ADGRB3: variants seen among roughly 807,000 people sequenced by gnomAD.
ADGRB3 encodes brain-specific angiogenesis inhibitor 3.
In ADGRB3, 37 loss-of-function variants were observed where a neutral mutation model predicts 193.4. The observed-to-expected ratio is 0.19, with a 90% CI of 0.15 to 0.25. ADGRB3 has a LOEUF of 0.25. Ranked by LOEUF, ADGRB3 falls within the 10% of genes least tolerant of loss-of-function variation. ADGRB3 has a pLI of 1.00. For synonymous variants in ADGRB3, 690 were observed against 644.2 expected (o/e 1.07, Z -1.08); for missense variants, 1,637 against 1,852.9 (o/e 0.88, Z 2.14).
At chr6:69,049,496 T>C (rs1483397994) in intron 15 of ADGRB3, 150 bp downstream of exon 15, 9 of 574,870 alleles carry the variant, frequency 1.6e-5, no homozygotes. Flanking sequence ...ATGAACAGGC[T>C]ATTAGCAATT....
chr6:68,998,839 G>A (rs1051698669), intron 11 of ADGRB3, among the ~76,000 whole-genome samples: 6 of 152,168 alleles, frequency 3.9e-5, no homozygotes, highest in Non-Finnish European at 5.9e-5. Flanking sequence ...GCTTTGTCTG[G>A]TCAGCTGTCG....
intron 3 of ADGRB3, among the ~76,000 whole-genome samples, chr6:68,876,358 T>A (rs1765593468): frequency 6.6e-6 from 1 of 152,166 alleles, no homozygotes; most frequent in Admixed American, 6.6e-5. Context: ...CTGTGATTAA[T>A]AGACTCATTT....
intron 16 of ADGRB3, among the ~76,000 whole-genome samples, chr6:69,073,653 T>C (rs1273777584): frequency 1.3e-5 from 2 of 152,160 alleles, no homozygotes; most frequent in Admixed American, 1.3e-4. Flanking sequence ...CTCACCCAAC[T>C]GCACATTCCT....
chr6:68,813,646 G>A (rs921128987), intron 3 of ADGRB3, among the ~76,000 whole-genome samples: 2 of 151,702 alleles, frequency 1.3e-5, no homozygotes, highest in African/African-American at 4.8e-5. Flanking sequence ...ATGTTGGTGT[G>A]CCGCACCCAT....
chr6:69,078,338 C>G (rs1305163993), intron 17 of ADGRB3, among the ~76,000 whole-genome samples: 1 of 151,890 alleles, frequency 6.6e-6, no homozygotes, highest in Non-Finnish European at 1.5e-5. Context: ...CCATCTTGGG[C>G]CTCCACATCC....
intron 26 of ADGRB3, among the ~76,000 whole-genome samples, chr6:69,350,901 A>T (rs1190380389): frequency 6.6e-6 from 1 of 152,096 alleles, no homozygotes; most frequent in African/African-American, 2.4e-5. Flanking sequence ...AGTTTACCAG[A>T]TACAAAATTC....
chr6:69,032,248 G>A (rs1770735043), intron 13 of ADGRB3, among the ~76,000 whole-genome samples: 1 of 152,166 alleles, frequency 6.6e-6, no homozygotes, highest in African/African-American at 2.4e-5. Context: ...AAATCTGGTA[G>A]AGTCACACCA....
At chr6:69,138,257 C>A (rs1050119800) in intron 17 of ADGRB3, among the ~76,000 whole-genome samples, 2 of 152,170 alleles carry the variant, frequency 1.3e-5, no homozygotes, top group Non-Finnish European at 2.9e-5. Context: ...GTTCCAGCAT[C>A]AGAAAAATGT....
At chr6:69,214,084 G>A (rs1003148052) in intron 17 of ADGRB3, among the ~76,000 whole-genome samples, 11 of 152,162 alleles carry the variant, frequency 7.2e-5, no homozygotes, top group African/African-American at 2.7e-4. Flanking sequence ...ATTAAGGAAA[G>A]TTTTACAGAG....
intron 3 of ADGRB3, among the ~76,000 whole-genome samples, chr6:68,834,399 G>T (rs1264704112): frequency 6.6e-6 from 1 of 152,030 alleles, no homozygotes; most frequent in East Asian, 1.9e-4. Flanking sequence ...CAGAAAAAAT[G>T]GGATATTATT....
chr6:69,293,876 C>A (rs1430630873), intron 20 of ADGRB3, among the ~76,000 whole-genome samples: 5 of 152,026 alleles, frequency 3.3e-5, no homozygotes, highest in African/African-American at 1.2e-4. Flanking sequence ...CCAGGAGTTT[C>A]TTCTGTCGGA....
chr6:68,912,728 A>G (rs1582309029), intron 3 of ADGRB3, among the ~76,000 whole-genome samples: 1 of 152,090 alleles, frequency 6.6e-6, no homozygotes, highest in African/African-American at 2.4e-5. Flanking sequence ...ATAGTATTCC[A>G]TGTTGTATAT....
At chr6:69,242,218 A>C (rs537710344) in intron 20 of ADGRB3, among the ~76,000 whole-genome samples, 1 of 152,076 alleles carries the variant, frequency 6.6e-6, no homozygotes, top group Middle Eastern at 3.4e-3. Context: ...GATGTGCATA[A>C]ACTACAAATA....
chr6:68,920,052 A>T (rs1766992511), intron 3 of ADGRB3, among the ~76,000 whole-genome samples: 1 of 152,198 alleles, frequency 6.6e-6, no homozygotes. Context: ...TCCAAAACAA[A>T]CGTGGAAGAA....
At chr6:68,833,090 A>T (rs1454091230) in intron 3 of ADGRB3, among the ~76,000 whole-genome samples, 1 of 152,140 alleles carries the variant, frequency 6.6e-6, no homozygotes, top group African/African-American at 2.4e-5. Context: ...AAGGTTCATG[A>T]TTTTAAACCA....
rs66493941 is a variant in ADGRB3 at position 69,141,133 on chromosome 6, G to GA, written c.2480+65095_2480+65096insA. On this transcript the variant is annotated intron_variant, in intron 17 of 31. Coordinates refer to ENST00000370598, the MANE Select transcript of ADGRB3 (RefSeq NM_001704.3). ...GATATTTCTTTCTTTTTTTTTGGGG[G>GA]GGGCGGTGGGGACGGAGTCTTGCTC... 3.6e-3 allele frequency among the ~76,000 whole-genome samples: 462 copies of GA among 129,242 alleles called. 4 individuals carry two copies. The highest frequency in any genetic ancestry group is 0.023 in the South Asian group (92 of 4,058). 84.8% of individuals were successfully genotyped at this position (129,242 alleles called of 152,430 possible).
chr6:69,096,070 A>AT (rs1269102204), intron 17 of ADGRB3, among the ~76,000 whole-genome samples: 2 of 152,154 alleles, frequency 1.3e-5, no homozygotes, highest in South Asian at 2.1e-4. Flanking sequence ...CTTACATTTC[A>AT]TTTTTTTAGT....
At chr6:68,844,642 G>T (rs978962546) in intron 3 of ADGRB3, among the ~76,000 whole-genome samples, 1 of 152,104 alleles carries the variant, frequency 6.6e-6, no homozygotes, top group Non-Finnish European at 1.5e-5. Context: ...AAGTAATCAG[G>T]ATATGGAGGA....
At chr6:69,043,334 G>GGAAGAAAGGAAGGAAGAAAGAAAGAA (rs1208856464) in intron 13 of ADGRB3, among the ~76,000 whole-genome samples, 1 of 110,048 alleles carries the variant, frequency 9.1e-6, no homozygotes, top group Non-Finnish European at 1.9e-5. Context: ...GAAAGAAAGA[G>GGAAGAAAGGAAGGAAGAAAGAAAGAA]AAAGAAAAGA....
Sources: allele counts gnomAD v4.1 joint callset (sites outside exome capture counted in the v4.1 genomes callset), GRCh38; gene constraint gnomAD v4.1.1; transcripts MANE v1.5; gene names NCBI Gene and HGNC (gene_info 2026-07-23, HGNC 2026-07-21).